ZNF678: variants seen among roughly 807,000 people sequenced by gnomAD.
ZNF678 encodes zinc finger protein 678, also known as hypothetical protein MGC42493.
ZNF678 carries 5 observed loss-of-function variants against 3.0 expected under a neutral mutation model. The ratio of observed to expected loss-of-function variants is 1.69; its 90% CI spans 0.88 to 3.56. The LOEUF (loss-of-function observed/expected upper bound fraction) is 3.56, where lower values mean the gene tolerates loss of function less well. ZNF678 is among the 30% of genes most tolerant of loss of function. ZNF678 has a pLI of 0.00. For missense variants in ZNF678, 593 were observed against 605.0 expected (o/e 0.98, Z 0.21); for synonymous variants, 218 against 199.6 (o/e 1.09, Z -0.78).
intron 1 of ZNF678, among the ~76,000 whole-genome samples, chr1:227,593,341 T>A (rs1657468141): frequency 6.6e-6 from 1 of 152,242 alleles, no homozygotes; most frequent in South Asian, 2.1e-4. Flanking sequence ...AAGTTTGTTT[T>A]AAGTCTTTAA....
At chr1:227,606,465 A>G (rs1281734486) in intron 1 of ZNF678, among the ~76,000 whole-genome samples, 4 of 152,326 alleles carry the variant, frequency 2.6e-5, no homozygotes, top group South Asian at 2.1e-4. Context: ...GTTTTCTCCT[A>G]TCTCAGAATA....
intron 2 of ZNF678, among the ~76,000 whole-genome samples, 182 bp downstream of exon 2, chr1:227,646,852 A>G (rs908168531): frequency 3.9e-5 from 6 of 152,356 alleles, no homozygotes; most frequent in African/African-American, 9.6e-5. Flanking sequence ...TCATCTTGAC[A>G]TAAATTTTAA....
At chr1:227,622,588 T>G (rs953749491) in intron 1 of ZNF678, among the ~76,000 whole-genome samples, 1 of 152,224 alleles carries the variant, frequency 6.6e-6, no homozygotes, top group Non-Finnish European at 1.5e-5. Context: ...ACAAAAATAT[T>G]TGTCATAATT....
intron 3 of ZNF678, 103 bp downstream of exon 3, chr1:227,651,179 C>A: frequency 7.7e-7 from 1 of 1,300,404 alleles, no homozygotes; most frequent in Non-Finnish European, 1.1e-6. Flanking sequence ...GCAGGGTCCA[C>A]AATGGGGTCT....
intron 1 of ZNF678, among the ~76,000 whole-genome samples, chr1:227,605,440 A>G (rs1055296916): frequency 6.6e-6 from 1 of 152,204 alleles, no homozygotes; most frequent in African/African-American, 2.4e-5. Flanking sequence ...TTCGTATATG[A>G]CTTTTAAAGC....
intron 1 of ZNF678, 34 bp downstream of exon 1, chr1:227,563,758 G>A: frequency 7.6e-7 from 1 of 1,308,050 alleles, no homozygotes; most frequent in Non-Finnish European, 1.0e-6. Context: ...CCAAGATGGC[G>A]GTCCGGCCTC....
chr1:227,675,813 T>C lies in ZNF678; in HGVS notation c.227-1366T>C, dbSNP rs145012334. 4.0e-3 allele frequency among the ~76,000 whole-genome samples: 615 copies of C among 152,228 alleles called. 4 individuals carry two copies. The highest frequency in any genetic ancestry group is 0.014 in the African/African-American group (567 of 41,534). On this transcript the variant is annotated intron_variant, in intron 5 of 5. Transcript: ENST00000608949. Reference sequence around the variant, plus strand: ...ACTTGTAAAAAAGTAATTGTAACTCTCAGGATTCAAAAAACAAAAATGCAG... The same window carrying C: ...ACTTGTAAAAAAGTAATTGTAACTCCCAGGATTCAAAAAACAAAAATGCAG...
chr1:227,569,818 A>G (rs1030243014), intron 1 of ZNF678, among the ~76,000 whole-genome samples: 5 of 152,126 alleles, frequency 3.3e-5, no homozygotes, highest in African/African-American at 7.2e-5. Context: ...TTCCAGTTCT[A>G]TGTTCAAATA....
intron 3 of ZNF678, among the ~76,000 whole-genome samples, chr1:227,653,507 T>A (rs1476880216): frequency 6.6e-6 from 1 of 152,120 alleles, no homozygotes; most frequent in Non-Finnish European, 1.5e-5. Flanking sequence ...GTTTCCTTGA[T>A]TGGACCATGT....
At chr1:227,650,764 A>G (rs753452370) in intron 2 of ZNF678, among the ~76,000 whole-genome samples, 192 bp from the exon 3 acceptor site, 1 of 152,136 alleles carries the variant, frequency 6.6e-6, no homozygotes. Context: ...AGTGGTTTGT[A>G]GTTAGTGTAT....
intron 1 of ZNF678, among the ~76,000 whole-genome samples, chr1:227,629,106 G>T (rs571674223): frequency 1.3e-5 from 2 of 152,160 alleles, no homozygotes; most frequent in Non-Finnish European, 2.9e-5. Context: ...TTGGAGTATT[G>T]CAGGGGCTAT....
intron 1 of ZNF678, among the ~76,000 whole-genome samples, chr1:227,584,852 G>A (rs1657217233): frequency 6.6e-6 from 1 of 152,222 alleles, no homozygotes; most frequent in South Asian, 2.1e-4. Context: ...CGGACAGTGA[G>A]AAACCTTATG....
At chr1:227,601,257 A>G (rs1022166577) in intron 1 of ZNF678, among the ~76,000 whole-genome samples, 21 of 152,284 alleles carry the variant, frequency 1.4e-4, no homozygotes, top group Non-Finnish European at 2.4e-4. Flanking sequence ...TTTAAAAAAA[A>G]GTTCTGTGAA....
chr1:227,565,396 C>T (rs2102709148), intron 1 of ZNF678, among the ~76,000 whole-genome samples: 1 of 152,248 alleles, frequency 6.6e-6, no homozygotes, highest in South Asian at 2.1e-4. Flanking sequence ...CTCTGTCATC[C>T]AGGCTGCTGG....
intron 2 of ZNF678, among the ~76,000 whole-genome samples, chr1:227,650,476 G>A (rs1659063034): frequency 6.6e-6 from 1 of 151,970 alleles, no homozygotes; most frequent in Admixed American, 6.5e-5. Context: ...TCAATGTCTT[G>A]TAATGCTATA....
chr1:227,646,626 A>G lies in ZNF678; in HGVS notation c.-81A>G, dbSNP rs750740524. ...CTGGACCCTGCCCAGCGAAATTTGT[A>G]TAGGGATGTGATGTTCGAGAACTAC... On this transcript the variant is annotated 5_prime_UTR_variant, in exon 2 of 4. Transcript: ENST00000343776. 16 of 1,372,286 alleles carry G rather than the reference A, an allele frequency of 1.2e-5. No homozygotes were observed. The highest frequency in any genetic ancestry group is 1.0e-4 in the African/African-American group (7 of 67,780). 85.0% of individuals were successfully genotyped at this position (1,372,286 alleles called of 1,614,324 possible).
At chr1:227,573,707 G>C (rs1432976013) in intron 1 of ZNF678, among the ~76,000 whole-genome samples, 1 of 97,414 alleles carries the variant, frequency 1.0e-5, no homozygotes, top group Non-Finnish European at 2.2e-5. Flanking sequence ...GGGTACATGT[G>C]CAGGTTTGTT....
chr1:227,617,449 G>A (rs1571889653), intron 1 of ZNF678, among the ~76,000 whole-genome samples: 1 of 152,304 alleles, frequency 6.6e-6, no homozygotes, highest in East Asian at 1.9e-4. Flanking sequence ...AGTTGACAGA[G>A]GAAGAGAGGG....
rs1463114421 is a variant in ZNF678, at chr1:227,661,909, A to G, written c.*6081A>G. ...GGTCCACATCATGCAGATTTACTCT[A>G]GATTCAGCTTAGACTCATTTTTATA... On this transcript the variant is annotated 3_prime_UTR_variant, in exon 4 of 4. Coordinates refer to ENST00000343776, the MANE Select transcript of ZNF678 (RefSeq NM_001367909.1). 6.6e-6 allele frequency: 1 copy of G among 152,202 alleles called. No individual in the cohort carries two copies. The highest frequency in any genetic ancestry group is 1.5e-5 in the Non-Finnish European group (1 of 68,054). 9.4% of individuals were successfully genotyped at this position (152,202 alleles called of 1,614,324 possible). A position where few individuals can be genotyped will look rare whatever the true frequency, so the allele number is the denominator to read the frequency against.
Sources: allele counts gnomAD v4.1 joint callset (sites outside exome capture counted in the v4.1 genomes callset), GRCh38; gene constraint gnomAD v4.1.1; transcripts MANE v1.5; gene names NCBI Gene and HGNC (gene_info 2026-07-23, HGNC 2026-07-21).